Variants in PLCH1 observed in about 807,000 individuals in gnomAD.
PLCH1 encodes the protein 1-phosphatidylinositol 4,5-bisphosphate phosphodiesterase eta-1.
A neutral mutation model predicts 126.7 loss-of-function variants in PLCH1; 60 were observed. The ratio of observed to expected loss-of-function variants is 0.47; its 90% confidence interval spans 0.38 to 0.59. The LOEUF (loss-of-function observed/expected upper bound fraction) is 0.59, where lower values mean the gene tolerates loss of function less well. Ranked by LOEUF, PLCH1 falls within the 20% of genes least tolerant of loss-of-function variation. The pLI, the probability that PLCH1 is intolerant of heterozygous loss-of-function variation, is 0.00. For missense variants in PLCH1, 1,723 were observed against 2,040.0 expected (o/e 0.84, Z 2.99); for synonymous variants, 719 against 734.9 (o/e 0.98, Z 0.35).
chr3:155,497,293 C>A, intron 15 of PLCH1, 27 bp downstream of exon 15: 1 of 1,400,584 alleles, frequency 7.1e-7, no homozygotes, highest in Non-Finnish European at 1.0e-6. Context: ...TTATTCAGAG[C>A]AGAATGAGAA....
intron 1 of PLCH1, among the ~76,000 whole-genome samples, chr3:155,724,995 T>C (rs1748217922): frequency 6.6e-6 from 1 of 152,226 alleles, no homozygotes. Context: ...TCTCAGCATT[T>C]GTTTGTCTGA....
At chr3:155,545,430 T>C (rs903498642) in intron 10 of PLCH1, among the ~76,000 whole-genome samples, 12 of 149,336 alleles carry the variant, frequency 8.0e-5, no homozygotes, top group African/African-American at 2.7e-4. Context: ...CAGGACCAGA[T>C]GGATTCAAAG....
At chr3:155,591,564 T>C (rs1732175121) in intron 4 of PLCH1, among the ~76,000 whole-genome samples, 1 of 152,230 alleles carries the variant, frequency 6.6e-6, no homozygotes, top group Admixed American at 6.5e-5. Context: ...AATACTGTTT[T>C]TCTAACGTGT....
chr3:155,704,180 G>A lies in PLCH1; in HGVS notation c.45C>T (p.Arg15=). The change falls in exon 2 of 23, where the codon CGC becomes CGT. Residue 15 remains arginine, a synonymous_variant. Coordinates refer to ENST00000460012, the MANE Select transcript of PLCH1 (RefSeq NM_014996.4). ...NLEKRNCVQY[R]RHFLVDNSVF... ...CACTGTTGTCCACCAGAAAATGCCT[G>A]CGGTACTGCACACAGTTCCTTTTTT... 1 of 1,229,570 alleles carries A rather than the reference G, an allele frequency of 8.1e-7. No homozygotes were observed. The highest frequency in any genetic ancestry group is 1.0e-6 in the Non-Finnish European group (1 of 986,024). 76.2% of individuals were successfully genotyped at this position (1,229,570 alleles called of 1,614,324 possible).
chr3:155,510,950 T>C (rs1719376296), intron 12 of PLCH1, among the ~76,000 whole-genome samples: 1 of 119,382 alleles, frequency 8.4e-6, no homozygotes, highest in East Asian at 2.2e-4. Context: ...CTGCAGAGTG[T>C]TTTCCAACTT....
intron 6 of PLCH1, among the ~76,000 whole-genome samples, chr3:155,573,586 C>T (rs978532370): frequency 1.7e-4 from 26 of 152,166 alleles, no homozygotes; most frequent in Admixed American, 1.0e-3. Flanking sequence ...AGTCTCTCAT[C>T]CCCAAGGAAA....
intron 12 of PLCH1, among the ~76,000 whole-genome samples, chr3:155,514,270 G>C (rs1720002990): frequency 6.6e-6 from 1 of 152,202 alleles, no homozygotes; most frequent in African/African-American, 2.4e-5. Context: ...AGGGTCCAGA[G>C]GGCAACCATC....
intron 21 of PLCH1, among the ~76,000 whole-genome samples, chr3:155,462,528 G>A (rs1265001851): frequency 6.6e-6 from 1 of 152,160 alleles, no homozygotes; most frequent in Non-Finnish European, 1.5e-5. Flanking sequence ...GGAAGGACTG[G>A]CCTTGCCCCT....
chr3:155,560,035 G>C (rs1354714949), intron 8 of PLCH1, among the ~76,000 whole-genome samples: 1 of 152,164 alleles, frequency 6.6e-6, no homozygotes, highest in African/African-American at 2.4e-5. Flanking sequence ...GGTTAGGCTT[G>C]GGTAGGATAC....
Position 155,549,861 on chromosome 3 carries a change from G to A in PLCH1, c.1288C>T (p.Leu430=), listed in dbSNP as rs765610461. 6.2e-7 allele frequency: 1 copy of A among 1,613,888 alleles called. No individual in the cohort carries two copies. Among genetic ancestry groups the A allele is most frequent in the Non-Finnish European group, 8.5e-7 (1 of 1,179,808 alleles). The change falls in exon 10 of 23, where the codon CTG becomes TTG. Residue 430 remains leucine, a synonymous_variant. Transcript: ENST00000460012. ...CACTCCCCTGTATCAACAGATGACA[G>A]GTCCAGTTTGTCTCCGAATATTCCT... ...LKGIFGDKLD[L]SSVDTGECKQ... is the part of the protein sequence containing the mutation.
chr3:155,681,862 GT>G (rs1428266896), intron 2 of PLCH1, among the ~76,000 whole-genome samples: 2 of 152,120 alleles, frequency 1.3e-5, no homozygotes, highest in African/African-American at 4.8e-5. Flanking sequence ...AAATAGGGGG[GT>G]TTTTTACTAC....
intron 21 of PLCH1, among the ~76,000 whole-genome samples, chr3:155,454,926 G>C (rs559985745): frequency 1.3e-5 from 2 of 152,266 alleles, no homozygotes; most frequent in South Asian, 2.1e-4. Flanking sequence ...CCATTTTACA[G>C]GTCATAATAA....
At chr3:155,697,843 C>T (rs1745948924) in intron 2 of PLCH1, among the ~76,000 whole-genome samples, 1 of 152,178 alleles carries the variant, frequency 6.6e-6, no homozygotes, top group Admixed American at 6.5e-5. Context: ...TGAGAATCTA[C>T]AGAAGATGGA....
intron 6 of PLCH1, among the ~76,000 whole-genome samples, chr3:155,582,075 CTTTTTTTTTT>C (rs869254665): frequency 3.1e-5 from 2 of 64,120 alleles, no homozygotes; most frequent in African/African-American, 6.2e-5. Context: ...TCTTTTCTTT[CTTTTTTTTTT>C]TTTTTTTTTT....
chr3:155,715,536 C>T (rs938052872), intron 1 of PLCH1, among the ~76,000 whole-genome samples: 1 of 151,588 alleles, frequency 6.6e-6, no homozygotes, highest in Admixed American at 6.6e-5. Context: ...AACTCCTGAG[C>T]TCAAGTGATC....
intron 8 of PLCH1, among the ~76,000 whole-genome samples, chr3:155,555,906 G>A (rs1459670434): frequency 6.6e-6 from 1 of 152,104 alleles, no homozygotes; most frequent in African/African-American, 2.4e-5. Context: ...GCGGCTCAAT[G>A]GGAAATGTGT....
chr3:155,455,623 T>C (rs73011526), intron 21 of PLCH1, among the ~76,000 whole-genome samples: 5,002 of 152,230 alleles, frequency 0.033, 273 homozygotes, highest in African/African-American at 0.11. Context: ...TGCAAATGAA[T>C]TTAGGGTAGG....
intron 1 of PLCH1, chr3:155,742,620 C>T (rs1749715935): frequency 6.6e-6 from 1 of 152,160 alleles, no homozygotes; most frequent in Non-Finnish European, 1.5e-5. Context: ...GAGCCAGTTA[C>T]AAGCCACCAA....
intron 2 of PLCH1, among the ~76,000 whole-genome samples, chr3:155,635,768 G>T (rs1047229531): frequency 5.9e-5 from 9 of 152,112 alleles, no homozygotes; most frequent in Non-Finnish European, 1.0e-4. Context: ...ATTAATTACT[G>T]ATTTTCCTTA....
Sources: allele counts gnomAD v4.1 joint callset (sites outside exome capture counted in the v4.1 genomes callset), GRCh38; gene constraint gnomAD v4.1.1; transcripts MANE v1.5; gene names NCBI Gene and HGNC (gene_info 2026-07-23, HGNC 2026-07-21).